The following MAD1L1 variants were observed in gnomAD, a reference collection of about 807,000 sequenced individuals.
The protein encoded by MAD1L1 is mitotic arrest deficient 1 like 1.
A neutral mutation model predicts 96.9 loss-of-function variants in MAD1L1; 95 were observed. That is an observed-to-expected ratio of 0.98 (90% CI 0.83 to 1.16). MAD1L1 has a LOEUF of 1.16. Ranked by LOEUF, MAD1L1 falls within the 50% of genes most tolerant of loss-of-function variation. MAD1L1 has a pLI of 0.00. For missense variants in MAD1L1, 1,007 were observed against 954.4 expected, an observed-to-expected ratio of 1.06 and a Z score of -0.73; for synonymous variants, 473 against 396.6, an observed-to-expected ratio of 1.19 and a Z score of -2.29.
chr7:1,915,511 G>A (rs538694366), intron 17 of MAD1L1, among the ~76,000 whole-genome samples: 10 of 152,314 alleles, frequency 6.6e-5, no homozygotes, highest in African/African-American at 1.9e-4. Context: ...GACGCGGGAC[G>A]TACGTGGAGC....
intron 10 of MAD1L1, among the ~76,000 whole-genome samples, chr7:2,163,566 G>T (rs1790271401): frequency 6.6e-6 from 1 of 152,086 alleles, no homozygotes; most frequent in East Asian, 1.9e-4. Flanking sequence ...GTAGAGACAG[G>T]GTTTCACTAT....
chr7:1,908,629 G>A (rs1787823862), intron 17 of MAD1L1, among the ~76,000 whole-genome samples: 1 of 152,146 alleles, frequency 6.6e-6, no homozygotes, highest in Non-Finnish European at 1.5e-5. Flanking sequence ...CCACAGTGTT[G>A]GGATGACGGG....
intron 15 of MAD1L1, among the ~76,000 whole-genome samples, chr7:1,975,254 A>G (rs1398409127): frequency 6.6e-6 from 1 of 152,182 alleles, no homozygotes; most frequent in Admixed American, 6.5e-5. Context: ...TGGGCAGTCC[A>G]TCACCAGGCC....
intron 16 of MAD1L1, among the ~76,000 whole-genome samples, chr7:1,949,434 G>T (rs979906764): frequency 6.6e-6 from 1 of 152,160 alleles, no homozygotes; most frequent in African/African-American, 2.4e-5. Context: ...CCCTGTCTGA[G>T]GACTCAAGAC....
chr7:1,940,945 C>T (rs375670331), intron 16 of MAD1L1, among the ~76,000 whole-genome samples: 1 of 107,766 alleles, frequency 9.3e-6, no homozygotes, highest in African/African-American at 3.8e-5. Flanking sequence ...CCAGGCCTCA[C>T]CCTCCTCTTC....
intron 18 of MAD1L1, among the ~76,000 whole-genome samples, chr7:1,872,430 G>T (rs548424103): frequency 6.6e-6 from 1 of 152,142 alleles, no homozygotes; most frequent in African/African-American, 2.4e-5. Flanking sequence ...CGGCTTCCCC[G>T]TCTGTCTCTG....
intron 12 of MAD1L1, among the ~76,000 whole-genome samples, chr7:2,032,297 G>A (rs530283620): frequency 6.6e-6 from 1 of 151,866 alleles, no homozygotes; most frequent in Non-Finnish European, 1.5e-5. Context: ...TTCAGATGAG[G>A]ACAAGGCTCC....
intron 18 of MAD1L1, among the ~76,000 whole-genome samples, chr7:1,819,112 T>C (rs576197211): frequency 5.9e-4 from 90 of 152,302 alleles, no homozygotes; most frequent in African/African-American, 2.1e-3. Flanking sequence ...ATCTCTGCCA[T>C]CGCTGCTCAG....
Position 2,062,342 on chromosome 7 carries a change from C to T in MAD1L1, c.1218+6852G>A, listed in dbSNP as rs138610982. On this transcript the variant is annotated intron_variant, in intron 12 of 18. Coordinates refer to ENST00000265854, the MANE Select transcript of MAD1L1 (RefSeq NM_001013836.2). ...TCCCAGCACTTTGGGATTGGGAGGC[C>T]GAAGTAGGGGGATCACGAGGTCAGG... is the stretch of plus-strand genomic sequence containing the variant. Among the ~76,000 whole-genome samples, 476 of 150,366 alleles carry T rather than the reference C, an allele frequency of 3.2e-3. 1 individual carries two copies. Among genetic ancestry groups the T allele is most frequent in the African/African-American group, 0.01 (415 of 40,888 alleles).
At chr7:1,946,621 T>C (rs917445113) in intron 16 of MAD1L1, among the ~76,000 whole-genome samples, 4 of 152,268 alleles carry the variant, frequency 2.6e-5, no homozygotes, top group Non-Finnish European at 5.9e-5. Flanking sequence ...GCTCTGGTGC[T>C]GCTACCCAGC....
At chr7:1,865,235 A>G (rs1312632159) in intron 18 of MAD1L1, among the ~76,000 whole-genome samples, 1 of 152,172 alleles carries the variant, frequency 6.6e-6, no homozygotes, top group African/African-American at 2.4e-5. Context: ...CTTCCCACCA[A>G]GACCCCAGCT....
At chr7:2,008,727 G>A (rs1011772750) in intron 13 of MAD1L1, among the ~76,000 whole-genome samples, 5 of 151,630 alleles carry the variant, frequency 3.3e-5, no homozygotes, top group Admixed American at 1.3e-4. Context: ...GAAGGAACAC[G>A]GCTCCATCCC....
At chr7:2,033,935 A>T (rs556640926) in intron 12 of MAD1L1, among the ~76,000 whole-genome samples, 28 of 152,088 alleles carry the variant, frequency 1.8e-4, no homozygotes, top group Non-Finnish European at 2.5e-4. Flanking sequence ...TACAAAAAAA[A>T]TTTTTTTTTA....
chr7:2,063,029 A>C (rs1784728742), intron 12 of MAD1L1, among the ~76,000 whole-genome samples: 1 of 152,252 alleles, frequency 6.6e-6, no homozygotes, highest in Non-Finnish European at 1.5e-5. Flanking sequence ...CACACAATTA[A>C]ACTAGAAAGA....
chr7:2,156,821 C>CA (rs796679600), intron 10 of MAD1L1, among the ~76,000 whole-genome samples: 7,361 of 91,232 alleles, frequency 0.081, 488 homozygotes, highest in African/African-American at 0.21. Context: ...GACTCCATCT[C>CA]AAAAAAAAAA....
At chr7:1,896,174 G>A (rs569432418) in intron 18 of MAD1L1, among the ~76,000 whole-genome samples, 123 of 152,354 alleles carry the variant, frequency 8.1e-4, no homozygotes, top group Non-Finnish European at 9.6e-4. Flanking sequence ...CTGACCTCAG[G>A]AGCCTGGGGG....
chr7:2,002,146 C>T (rs747784221), intron 13 of MAD1L1, 25 bp from the exon 14 acceptor site: 1 of 1,611,414 alleles, frequency 6.2e-7, no homozygotes, highest in East Asian at 2.2e-5. Context: ...AGGATTCGGC[C>T]TGAGACTGTG....
chr7:1,872,875 A>G (rs1785180186), intron 18 of MAD1L1: 1 of 152,228 alleles, frequency 6.6e-6, no homozygotes, highest in Non-Finnish European at 1.5e-5. Flanking sequence ...CGTCAATAAA[A>G]CGTCAACGCT....
At chr7:1,992,889 GC>G (rs144118912) in intron 14 of MAD1L1, among the ~76,000 whole-genome samples, 5,185 of 152,268 alleles carry the variant, frequency 0.034, 186 homozygotes, top group Admixed American at 0.097. Context: ...AACGGGATCA[GC>G]TTATGGAAGA....
Sources: gnomAD v4.1 joint callset for allele counts (sites outside exome capture counted in the v4.1 genomes callset) on GRCh38, gnomAD v4.1.1 for gene constraint, MANE v1.5 for transcripts, NCBI Gene and HGNC (gene_info 2026-07-23, HGNC 2026-07-21) for gene names.